Variants in MTDH observed in about 807,000 individuals in gnomAD.
MTDH encodes protein LYRIC.
MTDH carries 34 observed loss-of-function variants against 72.7 expected under a neutral mutation model. The observed-to-expected ratio is 0.47, with a 90% CI of 0.36 to 0.62. MTDH has a LOEUF of 0.62. Ranked by LOEUF, MTDH falls within the 20% of genes least tolerant of loss-of-function variation. The pLI, the probability that MTDH is intolerant of heterozygous loss-of-function variation, is 0.00. For missense variants in MTDH, 677 were observed against 699.4 expected (o/e 0.97, Z 0.36); for synonymous variants, 266 against 268.9 (o/e 0.99, Z 0.10).
rs1813053380 is a variant in MTDH, at chr8:97,681,164, A to G, written c.484-5504A>G. Among the ~76,000 whole-genome samples, 3 of 152,294 alleles carry G rather than the reference A, an allele frequency of 2.0e-5. 1 individual carries two copies. The highest frequency in any genetic ancestry group is 6.5e-5 in the Admixed American group (1 of 15,290). ...GTACAGGCCATTTCAGGCATTGAAC[A>G]TCGGTAGGGGAGCAGATGATTCAGG... On this transcript the variant is annotated intron_variant, in intron 2 of 11. Coordinates refer to ENST00000336273, the MANE Select transcript of MTDH (RefSeq NM_178812.4).
At chr8:97,692,372 A>G (rs1813644317) in intron 6 of MTDH, among the ~76,000 whole-genome samples, 1 of 149,964 alleles carries the variant, frequency 6.7e-6, no homozygotes, top group African/African-American at 2.5e-5. Context: ...TCAAGAAGTA[A>G]TTTTCCTTTT....
At chr8:97,694,355 G>A (rs964049696) in intron 6 of MTDH, among the ~76,000 whole-genome samples, 7 of 151,702 alleles carry the variant, frequency 4.6e-5, no homozygotes, top group Non-Finnish European at 1.0e-4. Flanking sequence ...GCGCCACCAC[G>A]CCTGGCTAAT....
Position 97,713,081 on chromosome 8 carries a change from T to TTTTA in MTDH, c.1273-565_1273-562dup, listed in dbSNP as rs546559317. On this transcript the variant is annotated intron_variant, in intron 8 of 11. Coordinates refer to ENST00000336273, the MANE Select transcript of MTDH (RefSeq NM_178812.4). ...ATTCAGTGAGTTTTTAATTTTTTAT[T>TTTTA]TTTATTTATTTATTTATTTTTGAGA... Among the ~76,000 whole-genome samples the TTTTA allele has an allele frequency of 1.7e-4, 26 of 152,200 alleles. 1 individual carries two copies. In the South Asian group the frequency reaches 5.2e-3, roughly 30 times the overall value.
intron 1 of MTDH, among the ~76,000 whole-genome samples, chr8:97,651,557 CT>C (rs1457163774): frequency 6.6e-6 from 1 of 152,210 alleles, no homozygotes; most frequent in South Asian, 2.1e-4. Context: ...TGCAGAGTGA[CT>C]TTGCAGCTCT....
chr8:97,699,418 CA>C (rs1392674242), intron 6 of MTDH, among the ~76,000 whole-genome samples: 2 of 149,930 alleles, frequency 1.3e-5, no homozygotes, highest in African/African-American at 4.9e-5. Context: ...GCCTGGGTGA[CA>C]GAGTGAGATC....
At chr8:97,671,519 T>C (rs1360260571) in intron 2 of MTDH, among the ~76,000 whole-genome samples, 1 of 152,140 alleles carries the variant, frequency 6.6e-6, no homozygotes, top group Non-Finnish European at 1.5e-5. Flanking sequence ...TATAAATTAA[T>C]ATATCTAAAC....
At chr8:97,672,221 C>A (rs1214583188) in intron 2 of MTDH, among the ~76,000 whole-genome samples, 1 of 152,186 alleles carries the variant, frequency 6.6e-6, no homozygotes, top group Non-Finnish European at 1.5e-5. Flanking sequence ...TTTACTATAG[C>A]AGTGGAGTTG....
intron 7 of MTDH, among the ~76,000 whole-genome samples, chr8:97,705,814 A>G (rs549567651): frequency 6.6e-6 from 1 of 152,280 alleles, no homozygotes; most frequent in East Asian, 1.9e-4. Flanking sequence ...GTGCAGGGAG[A>G]GAAGGGAAGA....
intron 9 of MTDH, among the ~76,000 whole-genome samples, chr8:97,715,942 T>A (rs1157792674): frequency 1.3e-5 from 2 of 152,216 alleles, no homozygotes; most frequent in Non-Finnish European, 2.9e-5. Flanking sequence ...AATGAATAAG[T>A]ATTCTAGGTT....
chr8:97,657,821 A>G (rs1462240447), intron 1 of MTDH, among the ~76,000 whole-genome samples: 1 of 152,180 alleles, frequency 6.6e-6, no homozygotes, highest in African/African-American at 2.4e-5. Flanking sequence ...CAACACTTTC[A>G]TGTAAAACCC....
chr8:97,650,854 C>G, intron 1 of MTDH, among the ~76,000 whole-genome samples: 1 of 152,044 alleles, frequency 6.6e-6, no homozygotes, highest in Admixed American at 6.5e-5. Flanking sequence ...CTCAGCCTCC[C>G]GACTACCTGG....
intron 8 of MTDH, among the ~76,000 whole-genome samples, chr8:97,712,070 C>T (rs1321786670): frequency 3.9e-5 from 6 of 152,208 alleles, no homozygotes; most frequent in Admixed American, 3.9e-4. Context: ...TGGAGTCTTG[C>T]TCTGTTACCC....
chr8:97,668,560 C>CT (rs559554186), intron 2 of MTDH, among the ~76,000 whole-genome samples: 7,404 of 147,674 alleles, frequency 0.05, 541 homozygotes, highest in African/African-American at 0.16. Flanking sequence ...ACTGTAACAA[C>CT]TTTTTTTTTT....
chr8:97,653,397 T>C (rs1171193143), intron 1 of MTDH, among the ~76,000 whole-genome samples: 2 of 152,258 alleles, frequency 1.3e-5, no homozygotes, highest in Middle Eastern at 3.2e-3. Context: ...CAGTGAGTTA[T>C]GGCTTTATTG....
chr8:97,676,685 A>G (rs760533028), intron 2 of MTDH, among the ~76,000 whole-genome samples: 1 of 151,802 alleles, frequency 6.6e-6, no homozygotes, highest in African/African-American at 2.4e-5. Flanking sequence ...CTTGGGCAAC[A>G]TGGTGAAACC....
intron 2 of MTDH, among the ~76,000 whole-genome samples, chr8:97,669,013 C>A (rs1269642064): frequency 6.6e-6 from 1 of 152,178 alleles, no homozygotes; most frequent in South Asian, 2.1e-4. Context: ...TCTCCCACTT[C>A]TTACCCTCTC....
intron 10 of MTDH, among the ~76,000 whole-genome samples, chr8:97,719,492 CAAAAAAAAAAAA>C (rs11383714): frequency 1.3e-5 from 1 of 79,934 alleles, no homozygotes; most frequent in East Asian, 3.2e-4. Flanking sequence ...GACACTGTCT[CAAAAAAAAAAAA>C]AAAAAAAAGA....
chr8:97,686,643 A>T (rs779704792), intron 2 of MTDH, 25 bp from the exon 3 acceptor site: 1 of 1,436,028 alleles, frequency 7.0e-7, no homozygotes, highest in Non-Finnish European at 9.5e-7. Flanking sequence ...ACAAAATATT[A>T]AGTAACATTC....
At chr8:97,706,885 C>A in intron 8 of MTDH, 135 bp downstream of exon 8, 1 of 950,450 alleles carries the variant, frequency 1.1e-6, no homozygotes, top group Non-Finnish European at 1.5e-6. Flanking sequence ...TCAAGGCCAG[C>A]CTGGGCAACA....
Sources: gnomAD v4.1 joint callset for allele counts (sites outside exome capture counted in the v4.1 genomes callset) on GRCh38, gnomAD v4.1.1 for gene constraint, MANE v1.5 for transcripts, NCBI Gene and HGNC (gene_info 2026-07-23, HGNC 2026-07-21) for gene names.